The following RIC1 variants were observed in gnomAD, a reference collection of about 807,000 sequenced individuals.
RIC1 encodes guanine nucleotide exchange factor subunit RIC1.
A neutral mutation model predicts 169.0 loss-of-function variants in RIC1; 88 were observed. That is an observed-to-expected ratio of 0.52 (90% CI 0.44 to 0.62). The LOEUF is 0.62. RIC1 is among the 20% of genes least tolerant of loss of function. RIC1 has a pLI of 0.00. For synonymous variants in RIC1, 790 were observed against 601.5 expected, an observed-to-expected ratio of 1.31 and a Z score of -4.59; for missense variants, 1,877 against 1,725.5, an observed-to-expected ratio of 1.09 and a Z score of -1.56.
chr9:5,759,818 C>A (rs1237841354), intron 17 of RIC1, among the ~76,000 whole-genome samples: 2 of 152,008 alleles, frequency 1.3e-5, no homozygotes, highest in African/African-American at 4.8e-5. Flanking sequence ...AAGGCAAAAT[C>A]TTGATAATTG....
At chr9:5,679,920 G>A (rs1459607016) in intron 2 of RIC1, among the ~76,000 whole-genome samples, 1 of 152,198 alleles carries the variant, frequency 6.6e-6, no homozygotes, top group Non-Finnish European at 1.5e-5. Context: ...TCTTGTGCCA[G>A]TTTTCAAAGG....
At chr9:5,704,315 A>C (rs1160326017) in intron 3 of RIC1, among the ~76,000 whole-genome samples, 1 of 151,872 alleles carries the variant, frequency 6.6e-6, no homozygotes, top group African/African-American at 2.4e-5. Context: ...GGCTCAAGCA[A>C]TCCTCTCACC....
chr9:5,682,802 A>G (rs1451462725), intron 2 of RIC1, among the ~76,000 whole-genome samples: 1 of 152,162 alleles, frequency 6.6e-6, no homozygotes, highest in African/African-American at 2.4e-5. Flanking sequence ...CAGGTACACC[A>G]ATCAGACATA....
chr9:5,717,705 C>T (rs1367211386), intron 4 of RIC1, among the ~76,000 whole-genome samples: 2 of 151,784 alleles, frequency 1.3e-5, no homozygotes, highest in East Asian at 1.9e-4. Flanking sequence ...ATTAGCTGGG[C>T]GTGGTGGCGC....
At chr9:5,644,386 C>G (rs1016646235) in intron 1 of RIC1, among the ~76,000 whole-genome samples, 1 of 152,062 alleles carries the variant, frequency 6.6e-6, no homozygotes, top group African/African-American at 2.4e-5. Flanking sequence ...CATAATATTT[C>G]TTTTTTCAAA....
intron 4 of RIC1, 76 bp downstream of exon 4, chr9:5,714,079 G>T (rs1421082954): frequency 1.2e-6 from 1 of 866,698 alleles, no homozygotes; most frequent in Admixed American, 2.2e-5. Context: ...TGACCAACAG[G>T]AAAGTTAGTT....
In RIC1 at chr9:5,729,118, A is replaced by G. The variant is rs118042900; in HGVS notation, c.721-3270A>G. Among the ~76,000 whole-genome samples the G allele has an allele frequency of 1.5e-3, 230 of 152,186 alleles. 1 individual carries two copies. Among genetic ancestry groups the G allele is most frequent in the Non-Finnish European group, 1.9e-3 (126 of 68,016 alleles). ...TACTTGGCTACCCCAGTATTCTGGG[A>G]TTTGAGTTACAGAAGAGTTAAGCTA... On this transcript the variant is annotated intron_variant, in intron 6 of 25. Transcript: ENST00000414202.
At chr9:5,630,530 C>G (rs1817668975) in intron 1 of RIC1, among the ~76,000 whole-genome samples, 1 of 152,200 alleles carries the variant, frequency 6.6e-6, no homozygotes, top group African/African-American at 2.4e-5. Context: ...TGACAGTCCT[C>G]ACCCACTTCC....
chr9:5,676,497 A>G lies in RIC1; in HGVS notation c.253-13462A>G, dbSNP rs187796841. Among the ~76,000 whole-genome samples the G allele has an allele frequency of 5.6e-4, 86 of 152,326 alleles. 1 individual carries two copies. The East Asian group carries it at 0.014, about 24-fold the overall frequency. On this transcript the variant is annotated intron_variant, in intron 2 of 25. Transcript: ENST00000414202. ...AGGTAGATACTTTTATATTCCCATCATACAGTTGAGCAAACTAGGGTACAG... is the reference window on the plus strand; with the variant it reads ...AGGTAGATACTTTTATATTCCCATCGTACAGTTGAGCAAACTAGGGTACAG...
At chr9:5,688,263 G>A (rs1360599) in intron 2 of RIC1, among the ~76,000 whole-genome samples, 44,027 of 151,888 alleles carry the variant, frequency 0.29, 7,548 homozygotes, top group East Asian at 0.61. Flanking sequence ...AACTCTGGAA[G>A]TCTGCCAGGC....
intron 1 of RIC1, among the ~76,000 whole-genome samples, chr9:5,647,567 C>T (rs1036440597): frequency 7.2e-5 from 11 of 152,080 alleles, no homozygotes; most frequent in African/African-American, 2.2e-4. Context: ...TTTGATGTTA[C>T]GGTTTGCTGA....
chr9:5,717,449 G>C (rs1823319144), intron 4 of RIC1, among the ~76,000 whole-genome samples: 1 of 152,144 alleles, frequency 6.6e-6, no homozygotes, highest in Non-Finnish European at 1.5e-5. Flanking sequence ...TCAACTTGAA[G>C]TAATCAAAAG....
intron 9 of RIC1, among the ~76,000 whole-genome samples, chr9:5,743,392 G>A (rs1451238420): frequency 6.6e-6 from 1 of 152,244 alleles, no homozygotes; most frequent in Non-Finnish European, 1.5e-5. Flanking sequence ...GTGATTGATA[G>A]GAGTAGGTTG....
chr9:5,763,890 A>C lies in RIC1; in HGVS notation c.2841+22A>C. The C allele has an allele frequency of 6.3e-7, 1 of 1,584,432 alleles. No individual in the cohort carries two copies. On this transcript the variant is annotated intron_variant, in intron 19 of 25. Coordinates refer to ENST00000414202, the MANE Select transcript of RIC1 (RefSeq NM_020829.4). This position sits in a 1 kb window ranked among gnomAD's most constrained non-coding sequence, Gnocchi z 5.2. ...ACAGGTAACAATTCTCTTCTTATAA[A>C]GGGGCAAGAATTAATGAGCTTAAAC...
downstream of RIC1, among the ~76,000 whole-genome samples, chr9:5,776,915 CTT>C (rs1827620694): frequency 6.6e-6 from 1 of 152,094 alleles, no homozygotes; most frequent in African/African-American, 2.4e-5. Context: ...AGTACTTTGA[CTT>C]TTTCCCATTT....
At chr9:5,732,228 T>G (rs1489073856) in intron 6 of RIC1, among the ~76,000 whole-genome samples, 160 bp from the exon 7 acceptor site, 2 of 152,228 alleles carry the variant, frequency 1.3e-5, no homozygotes, top group Non-Finnish European at 1.5e-5. Flanking sequence ...GGTAGTATTT[T>G]AAGGGAGACT....
At chr9:5,675,133 G>C (rs529702937) in intron 2 of RIC1, among the ~76,000 whole-genome samples, 30 of 152,296 alleles carry the variant, frequency 2.0e-4, no homozygotes, top group African/African-American at 6.5e-4. Context: ...CTGCTGTGTC[G>C]TTCCCCTCTT....
Position 5,720,309 on chromosome 9 carries a change from C to G in RIC1, c.568C>G (p.Leu190Val). ...NLCTVPFSVD[L>V]QSSRVGSFLG... Reference sequence around the variant, plus strand: ...TTGCACAGTACCCTTTTCAGTAGACCTGCAGTCATCTAGAGGTAGCTATAC... The same window carrying G: ...TTGCACAGTACCCTTTTCAGTAGACGTGCAGTCATCTAGAGGTAGCTATAC... Residue 190 changes from leucine (L) to valine (V), a missense_variant, in exon 5 of 26, where the codon CTG becomes GTG. Around this residue, in one of 3 missense-constraint regions of RIC1, gnomAD observed 1,104 missense variants for 992.0 expected, o/e 1.11. Coordinates refer to ENST00000414202, the MANE Select transcript of RIC1 (RefSeq NM_020829.4). The G allele has an allele frequency of 6.2e-7, 1 of 1,612,740 alleles. No individual in the cohort carries two copies. Among genetic ancestry groups the G allele is most frequent in the African/African-American group, 1.3e-5 (1 of 74,966 alleles).
intron 1 of RIC1, among the ~76,000 whole-genome samples, chr9:5,636,836 A>T (rs1817994782): frequency 1.3e-5 from 2 of 152,070 alleles, no homozygotes; most frequent in South Asian, 4.1e-4. Context: ...TAAGTTTTGC[A>T]CTTATGCTTT....
Sources: gnomAD v4.1 joint callset for allele counts (sites outside exome capture counted in the v4.1 genomes callset) on GRCh38, gnomAD v4.1.1 for gene constraint, gnomAD v4.1.1 regional missense constraint, Gnocchi (gnomAD v3.1) non-coding constraint, MANE v1.5 for transcripts, NCBI Gene and HGNC (gene_info 2026-07-23, HGNC 2026-07-21) for gene names.